The following TMEM131L variants were observed in gnomAD, a reference collection of about 807,000 sequenced individuals.
TMEM131L encodes transmembrane 131 like, also known as transmembrane protein 131-like.
A neutral mutation model predicts 192.2 loss-of-function variants in TMEM131L; 54 were observed. The observed-to-expected ratio is 0.28, with a 90% CI of 0.23 to 0.35. The LOEUF (loss-of-function observed/expected upper bound fraction) is 0.35. TMEM131L is among the 10% of genes least tolerant of loss of function. The pLI, the probability that TMEM131L is intolerant of heterozygous loss-of-function variation, is 1.00. For missense variants in TMEM131L, 1,888 were observed against 1,972.9 expected, an observed-to-expected ratio of 0.96 and a Z score of 0.82; for synonymous variants, 701 against 704.9, an observed-to-expected ratio of 0.99 and a Z score of 0.09.
rs199553865 is a variant in TMEM131L at position 153,636,518 on chromosome 4, C to A, written c.4775C>A (p.Ala1592Glu). Residue 1592 changes from alanine to glutamate, a missense_variant, in exon 35 of 35, where the codon GCG becomes GAG. Ala to Glu is a moderately radical substitution (Grantham distance 107, BLOSUM62 -1). Transcript: ENST00000409959. Reference sequence around the variant, plus strand: ...AACCTGGACATATGGACTACCACAGCGAATAGGAATGCAAATTTCCCACTG... The same window carrying A: ...AACCTGGACATATGGACTACCACAGAGAATAGGAATGCAAATTTCCCACTG... The part of the protein sequence containing the change: ...YMNLDIWTTT[A>E]NRNANFPLSR... 1 of 1,614,104 alleles carries A rather than the reference C, an allele frequency of 6.2e-7. No individual in the cohort carries two copies. Among genetic ancestry groups the A allele is most frequent in the Non-Finnish European group, 8.5e-7 (1 of 1,180,004 alleles).
rs1370330792 is a variant in TMEM131L, at chr4:153,550,337, C to CT, written c.308+203dup. ...GTTTCAGCCCTTTCTTTAATTTTTT[C>CT]TTTTTTTGAGACAGACTCCTGCTCT... On this transcript the variant is annotated intron_variant, in intron 4 of 34. Transcript: ENST00000409959. Among the ~76,000 whole-genome samples the CT allele has an allele frequency of 7.2e-5, 11 of 151,900 alleles. No individual in the cohort carries two copies. In the South Asian group the frequency reaches 1.9e-3, roughly 26 times the overall value.
chr4:153,467,572 T>G (rs2149694190), intron 2 of TMEM131L, among the ~76,000 whole-genome samples: 1 of 152,346 alleles, frequency 6.6e-6, no homozygotes, highest in East Asian at 1.9e-4. Flanking sequence ...GTGTCCTGGG[T>G]GCACACTGTT....
intron 3 of TMEM131L, among the ~76,000 whole-genome samples, chr4:153,541,423 A>T (rs1736768504): frequency 6.6e-6 from 1 of 152,234 alleles, no homozygotes; most frequent in Non-Finnish European, 1.5e-5. Context: ...GTTATGGAAG[A>T]CACAAGAGTC....
At chr4:153,563,455 C>CCTTTTT (rs1728976126) in intron 7 of TMEM131L, among the ~76,000 whole-genome samples, 1 of 128,726 alleles carries the variant, frequency 7.8e-6, no homozygotes, top group Non-Finnish European at 1.7e-5. Context: ...GGATATGTAC[C>CCTTTTT]CTTTTTTTTT....
intron 3 of TMEM131L, among the ~76,000 whole-genome samples, chr4:153,483,944 A>G (rs1272730177): frequency 6.6e-6 from 1 of 152,164 alleles, no homozygotes; most frequent in Non-Finnish European, 1.5e-5. Flanking sequence ...ATGGATCCCA[A>G]CATCGGCAGC....
intron 12 of TMEM131L, 54 bp from the exon 13 acceptor site, chr4:153,585,393 CTCATAAGAGGG>C: frequency 6.7e-7 from 1 of 1,490,566 alleles, no homozygotes; most frequent in Non-Finnish European, 9.2e-7. Context: ...CAATTAGAGG[CTCATAAGAGGG>C]CTGACTGTTG....
At chr4:153,602,942 A>G (rs1399203222) in intron 23 of TMEM131L, among the ~76,000 whole-genome samples, 2 of 152,256 alleles carry the variant, frequency 1.3e-5, no homozygotes, top group Admixed American at 1.3e-4. Context: ...TAGAAGTATC[A>G]TAGACAGTTG....
chr4:153,468,849 T>C (rs1469735864), intron 2 of TMEM131L, among the ~76,000 whole-genome samples: 1 of 152,160 alleles, frequency 6.6e-6, no homozygotes, highest in African/African-American at 2.4e-5. Context: ...TGTATATCTA[T>C]GTATATGTAT....
intron 31 of TMEM131L, among the ~76,000 whole-genome samples, chr4:153,629,198 G>A (rs1054693864): frequency 6.6e-6 from 1 of 152,056 alleles, no homozygotes; most frequent in African/African-American, 2.4e-5. Context: ...CTCCCGCCCT[G>A]CCCCTCTGTC....
At chr4:153,481,372 T>C (rs1049448533) in intron 3 of TMEM131L, among the ~76,000 whole-genome samples, 1 of 152,192 alleles carries the variant, frequency 6.6e-6, no homozygotes, top group Non-Finnish European at 1.5e-5. Flanking sequence ...GGCTGACAAC[T>C]GGGTGAAGAG....
rs556163750 is a variant in TMEM131L, at chr4:153,591,955, A to C, written c.1813-520A>C. ...ACTTGCTTGAACATTCTCTTTCTGC[A>C]TACATGTATCTTTGTGAGCCATCTG... On this transcript the variant is annotated intron_variant, in intron 17 of 34. Coordinates refer to ENST00000409959, the MANE Select transcript of TMEM131L (RefSeq NM_001131007.2). Among the ~76,000 whole-genome samples the C allele has an allele frequency of 5.3e-5, 8 of 152,286 alleles. No homozygotes were observed. The South Asian group carries it at 1.7e-3, about 32-fold the overall frequency.
rs184420883 is a variant in TMEM131L, at chr4:153,562,278, C to T, written c.660+3910C>T. 6.4e-4 allele frequency among the ~76,000 whole-genome samples: 98 copies of T among 152,166 alleles called. 1 individual carries two copies. The highest frequency in any genetic ancestry group is 2.3e-3 in the African/African-American group (94 of 41,520). On this transcript the variant is annotated intron_variant, in intron 7 of 34. Coordinates refer to ENST00000409959, the MANE Select transcript of TMEM131L (RefSeq NM_001131007.2). The stretch of plus-strand genomic sequence containing the variant: ...GTCTCAAACTCCTGACCTCGTGATC[C>T]GCCCACCTCGGCCTCCTAAAGTGCT...
chr4:153,570,570 C>T (rs1414533785), intron 7 of TMEM131L, among the ~76,000 whole-genome samples: 2 of 152,186 alleles, frequency 1.3e-5, no homozygotes, highest in Non-Finnish European at 2.9e-5. Context: ...CCGACATACT[C>T]GGCCTGCCTT....
chr4:153,542,679 T>C (rs1736876128), intron 3 of TMEM131L, among the ~76,000 whole-genome samples: 1 of 152,144 alleles, frequency 6.6e-6, no homozygotes, highest in Non-Finnish European at 1.5e-5. Context: ...ACATCACCTA[T>C]GGTTTGGCTT....
At chr4:153,468,878 A>G (rs1348085601) in intron 2 of TMEM131L, among the ~76,000 whole-genome samples, 1 of 152,060 alleles carries the variant, frequency 6.6e-6, no homozygotes, top group African/African-American at 2.4e-5. Flanking sequence ...TTGCTCAATT[A>G]TAGTTTCTAT....
At chr4:153,486,671 G>A (rs1041567053) in intron 3 of TMEM131L, among the ~76,000 whole-genome samples, 3 of 152,136 alleles carry the variant, frequency 2.0e-5, no homozygotes, top group Non-Finnish European at 4.4e-5. Context: ...ACATCCAAAG[G>A]CAGGTTAAAA....
intron 14 of TMEM131L, among the ~76,000 whole-genome samples, chr4:153,587,459 A>C (rs901475949): frequency 1.3e-5 from 2 of 151,950 alleles, no homozygotes; most frequent in African/African-American, 4.8e-5. Flanking sequence ...CCATGTGATC[A>C]TAATCTTTAT....
At chr4:153,542,399 C>CGTT (rs10643533) in intron 3 of TMEM131L, among the ~76,000 whole-genome samples, 58,516 of 151,744 alleles carry the variant, frequency 0.39, 11,926 homozygotes, top group African/African-American at 0.51. Context: ...GCAAGGGCCA[C>CGTT]GTTGCAGAGA....
At chr4:153,624,877 G>A (rs1285116754) in intron 29 of TMEM131L, among the ~76,000 whole-genome samples, 1 of 152,214 alleles carries the variant, frequency 6.6e-6, no homozygotes, top group African/African-American at 2.4e-5. Flanking sequence ...TTAAAAGAAA[G>A]TCTTGTCTGA....
Sources: gnomAD v4.1 joint callset for allele counts (sites outside exome capture counted in the v4.1 genomes callset) on GRCh38, gnomAD v4.1.1 for gene constraint, MANE v1.5 for transcripts, NCBI Gene and HGNC (gene_info 2026-07-23, HGNC 2026-07-21) for gene names.